The following PKP4 variants were observed in gnomAD, a reference collection of about 807,000 sequenced individuals.
The protein encoded by PKP4 is plakophilin-4.
A neutral mutation model predicts 145.1 loss-of-function variants in PKP4; 90 were observed. The observed-to-expected ratio is 0.62, with a 90% confidence interval of 0.52 to 0.74. PKP4 has a LOEUF of 0.74. Ranked by LOEUF, PKP4 falls within the 30% of genes least tolerant of loss-of-function variation. The pLI is 0.00. For missense variants in PKP4, 1,340 were observed against 1,482.7 expected (o/e 0.90, Z 1.58); for synonymous variants, 563 against 577.2 (o/e 0.98, Z 0.35).
chr2:158,662,571 G>A (rs2056700992), intron 13 of PKP4: 1 of 187,538 alleles, frequency 5.3e-6, no homozygotes, highest in African/African-American at 2.3e-5. Flanking sequence ...AGGATCTGCA[G>A]TAGTGAGAAG....
chr2:158,621,766 G>GA (rs1025559855), intron 6 of PKP4, among the ~76,000 whole-genome samples: 6 of 148,762 alleles, frequency 4.0e-5, no homozygotes, highest in East Asian at 3.9e-4. Context: ...AAAAAAAAAG[G>GA]AAAAAAAAAG....
chr2:158,534,303 G>A (rs899979942), intron 2 of PKP4, among the ~76,000 whole-genome samples: 5 of 152,110 alleles, frequency 3.3e-5, no homozygotes, highest in Non-Finnish European at 7.4e-5. Context: ...CTCTATAACC[G>A]TGACACATGT....
chr2:158,490,304 A>G (rs1694755992), intron 1 of PKP4, among the ~76,000 whole-genome samples: 1 of 151,970 alleles, frequency 6.6e-6, no homozygotes, highest in East Asian at 1.9e-4. Flanking sequence ...CTTTCCTGCT[A>G]AGCTCTGGTA....
At chr2:158,476,527 C>G (rs7601201) in intron 1 of PKP4, among the ~76,000 whole-genome samples, 107,459 of 151,310 alleles carry the variant, frequency 0.71, 38,693 homozygotes, top group East Asian at 0.89. Context: ...GACAGAATTT[C>G]GCTGTGTTGC....
chr2:158,627,665 A>G (rs1006109450), intron 7 of PKP4, among the ~76,000 whole-genome samples: 2 of 150,740 alleles, frequency 1.3e-5, no homozygotes, highest in Non-Finnish European at 3.0e-5. Flanking sequence ...ATATATATAT[A>G]CTCTAAAATG....
At chr2:158,522,534 A>G (rs1246925490) in intron 1 of PKP4, among the ~76,000 whole-genome samples, 1 of 152,234 alleles carries the variant, frequency 6.6e-6, no homozygotes, top group African/African-American at 2.4e-5. Context: ...ACAGCTGTCC[A>G]TAGTGAACCC....
At chr2:158,543,615 A>C (rs1056786143) in intron 2 of PKP4, among the ~76,000 whole-genome samples, 2 of 152,236 alleles carry the variant, frequency 1.3e-5, no homozygotes, top group Non-Finnish European at 2.9e-5. Flanking sequence ...TAGTATTTGA[A>C]ATCAGAAAAT....
chr2:158,589,432 T>A (rs1453735998), intron 3 of PKP4, among the ~76,000 whole-genome samples: 1 of 152,142 alleles, frequency 6.6e-6, no homozygotes, highest in Non-Finnish European at 1.5e-5. Context: ...TCCAAACACA[T>A]GCTATCTAGG....
At position 158,631,744 on chromosome 2, in the gene PKP4, T is replaced by C. The variant is rs2053379485; in HGVS notation, c.1154-9T>C. ...TCAGTTCTTAACGATGTAATTTTTG[T>C]GCCTCTAGGCTTACGGAGTTCCTAT... is the stretch of plus-strand genomic sequence containing the variant. On this transcript the variant is annotated splice_polypyrimidine_tract_variant and intron_variant, in intron 7 of 21. Transcript: ENST00000389759. The C allele has an allele frequency of 1.2e-6, 2 of 1,611,798 alleles. No individual in the cohort carries two copies. The highest frequency in any genetic ancestry group is 2.2e-5 in the South Asian group (2 of 91,016).
chr2:158,600,025 G>A (rs970897825), intron 3 of PKP4, among the ~76,000 whole-genome samples: 2 of 152,124 alleles, frequency 1.3e-5, no homozygotes, highest in Admixed American at 1.3e-4. Context: ...TCAGGAGTAT[G>A]TAGAATTTTA....
intron 19 of PKP4, among the ~76,000 whole-genome samples, chr2:158,675,681 G>A (rs2057945756): frequency 6.6e-6 from 1 of 152,146 alleles, no homozygotes; most frequent in South Asian, 2.1e-4. Context: ...GAGGCAGGCG[G>A]GTATGCTTTC....
intron 3 of PKP4, among the ~76,000 whole-genome samples, chr2:158,589,281 T>G (rs2049053793): frequency 6.6e-6 from 1 of 152,182 alleles, no homozygotes; most frequent in Non-Finnish European, 1.5e-5. Flanking sequence ...TGATTTGGTT[T>G]TATTTATTGT....
rs574149378 is a variant in PKP4, at chr2:158,674,062, C to G, written c.3127+62C>G. 22 of 925,840 alleles carry G rather than the reference C, an allele frequency of 2.4e-5. No homozygotes were observed. The East Asian group carries it at 5.3e-4, about 22-fold the overall frequency. The allele number at this position is 925,840 out of a possible 1,614,324, so 57.4% of individuals were successfully genotyped here. ...TGTGTGACAGAACATTGTTCCCCAGCCAGAGAAGATCAAACATAAGCTGGT... is the reference window on the plus strand; with the variant it reads ...TGTGTGACAGAACATTGTTCCCCAGGCAGAGAAGATCAAACATAAGCTGGT... On this transcript the variant is annotated intron_variant, in intron 19 of 21. Coordinates refer to ENST00000389759, the MANE Select transcript of PKP4 (RefSeq NM_003628.6).
At chr2:158,662,009 G>GA (rs1400533017) in intron 13 of PKP4, among the ~76,000 whole-genome samples, 1 of 152,164 alleles carries the variant, frequency 6.6e-6, no homozygotes, top group Admixed American at 6.5e-5. Flanking sequence ...TGTCAGCTGT[G>GA]ACGACCATCC....
At chr2:158,655,784 C>T (rs1204498658) in intron 11 of PKP4, among the ~76,000 whole-genome samples, 1 of 152,222 alleles carries the variant, frequency 6.6e-6, no homozygotes, top group African/African-American at 2.4e-5. Context: ...CCTTTTCCCA[C>T]TGATGACTTC....
intron 3 of PKP4, among the ~76,000 whole-genome samples, chr2:158,594,723 A>C (rs1238290789): frequency 6.6e-6 from 1 of 152,200 alleles, no homozygotes; most frequent in Non-Finnish European, 1.5e-5. Flanking sequence ...GTGAATGGAC[A>C]CTAAGTAAAT....
At chr2:158,625,793 C>T (rs2052722440) in intron 7 of PKP4, among the ~76,000 whole-genome samples, 1 of 151,922 alleles carries the variant, frequency 6.6e-6, no homozygotes, top group Non-Finnish European at 1.5e-5. Context: ...CCTAAACATA[C>T]CCTAAAGTTA....
intron 3 of PKP4, among the ~76,000 whole-genome samples, chr2:158,584,531 G>A (rs1370745706): frequency 1.3e-5 from 2 of 152,178 alleles, no homozygotes; most frequent in Non-Finnish European, 2.9e-5. Flanking sequence ...TAGCAAAACT[G>A]GAAGGATAGG....
chr2:158,568,817 T>C lies in PKP4; in HGVS notation c.133-8454T>C, dbSNP rs1003326841. On this transcript the variant is annotated intron_variant, in intron 2 of 21. Transcript: ENST00000389759. ...AGTGAAACCCCATCTCTACTAAAAA[T>C]AAAAAATTAGCCAGGCTTGGTGGCA... Among the ~76,000 whole-genome samples the C allele has an allele frequency of 2.0e-5, 3 of 151,912 alleles. No individual in the cohort carries two copies. In the East Asian group the frequency reaches 5.8e-4, roughly 29 times the overall value.
Sources: allele counts gnomAD v4.1 joint callset (sites outside exome capture counted in the v4.1 genomes callset), GRCh38; gene constraint gnomAD v4.1.1; transcripts MANE v1.5; gene names NCBI Gene and HGNC (gene_info 2026-07-23, HGNC 2026-07-21).